CPA6: variants seen among roughly 807,000 people sequenced by gnomAD.
CPA6 encodes the protein carboxypeptidase B.
CPA6 carries 58 observed loss-of-function variants against 63.3 expected under a neutral mutation model. The observed-to-expected ratio is 0.92, with a 90% CI of 0.74 to 1.14. CPA6 has a LOEUF of 1.14. Ranked by LOEUF, CPA6 falls within the 50% of genes most tolerant of loss-of-function variation. The probability of loss-of-function intolerance (pLI) is 0.00; values close to 1 mark genes in which losing one functional copy is unlikely to be tolerated. For missense variants in CPA6, 565 were observed against 526.6 expected (o/e 1.07, Z -0.71); for synonymous variants, 185 against 179.0 (o/e 1.03, Z -0.27).
chr8:67,424,946 G>T (rs1020036735), intron 10 of CPA6, among the ~76,000 whole-genome samples: 1 of 152,194 alleles, frequency 6.6e-6, no homozygotes, highest in Non-Finnish European at 1.5e-5. Context: ...GGGAACTAGA[G>T]GTAGCCTGCA....
At chr8:67,433,718 T>C (rs961242645) in intron 9 of CPA6, among the ~76,000 whole-genome samples, 3 of 152,228 alleles carry the variant, frequency 2.0e-5, no homozygotes, top group Middle Eastern at 3.2e-3. Context: ...AATGATTGTA[T>C]TTGAGAAGCA....
chr8:67,572,860 A>G (rs1813520385), intron 2 of CPA6, among the ~76,000 whole-genome samples: 1 of 152,218 alleles, frequency 6.6e-6, no homozygotes, highest in African/African-American at 2.4e-5. Flanking sequence ...AATATCTTTG[A>G]CGAATATAGA....
chr8:67,722,742 T>C (rs916243133), intron 1 of CPA6, among the ~76,000 whole-genome samples: 3 of 152,096 alleles, frequency 2.0e-5, no homozygotes, highest in African/African-American at 4.8e-5. Context: ...TCATCATGTG[T>C]TGGGAAGAAG....
chr8:67,556,799 G>A (rs921977847), intron 2 of CPA6, among the ~76,000 whole-genome samples: 1 of 152,236 alleles, frequency 6.6e-6, no homozygotes, highest in Non-Finnish European at 1.5e-5. Flanking sequence ...CCAAAACACA[G>A]ACAAGAGCGG....
chr8:67,489,528 T>G (rs1183747738), intron 6 of CPA6, among the ~76,000 whole-genome samples: 1 of 152,204 alleles, frequency 6.6e-6, no homozygotes, highest in African/African-American at 2.4e-5. Flanking sequence ...AATAAATGAT[T>G]TCTGACACTG....
intron 6 of CPA6, among the ~76,000 whole-genome samples, chr8:67,487,516 G>A (rs571156675): frequency 2.0e-5 from 3 of 152,128 alleles, no homozygotes; most frequent in Non-Finnish European, 2.9e-5. Context: ...TAAACATAAC[G>A]TGTGCATGTG....
chr8:67,616,636 C>T (rs1240139428), intron 2 of CPA6, among the ~76,000 whole-genome samples: 1 of 151,952 alleles, frequency 6.6e-6, no homozygotes. Context: ...CATTCTCTCA[C>T]TAAGCATGAG....
intron 2 of CPA6, among the ~76,000 whole-genome samples, chr8:67,559,416 A>G (rs911382449): frequency 2.6e-5 from 4 of 152,248 alleles, no homozygotes; most frequent in Admixed American, 1.3e-4. Context: ...TTATTTGTGA[A>G]TTCGGCCTCA....
intron 2 of CPA6, among the ~76,000 whole-genome samples, chr8:67,593,433 G>A (rs1349160923): frequency 1.9e-4 from 29 of 152,028 alleles, no homozygotes; most frequent in African/African-American, 6.3e-4. Context: ...CAATTCCTGG[G>A]TATCCTTGTT....
intron 6 of CPA6, among the ~76,000 whole-genome samples, chr8:67,486,857 T>C (rs988457831): frequency 6.6e-6 from 1 of 151,994 alleles, no homozygotes; most frequent in Non-Finnish European, 1.5e-5. Flanking sequence ...CATTTTGTTG[T>C]TGTTGACTTA....
At chr8:67,656,053 G>A (rs1309127173) in intron 1 of CPA6, among the ~76,000 whole-genome samples, 4 of 152,100 alleles carry the variant, frequency 2.6e-5, no homozygotes, top group African/African-American at 9.7e-5. Context: ...AGTCTCTGTG[G>A]AAGCAGGGAA....
intron 2 of CPA6, among the ~76,000 whole-genome samples, chr8:67,557,072 C>A (rs908065965): frequency 1.3e-5 from 2 of 152,174 alleles, no homozygotes; most frequent in African/African-American, 4.8e-5. Context: ...TAACTTTGTA[C>A]CTCTTTGTGG....
At chr8:67,651,272 C>T (rs1204566019) in intron 1 of CPA6, among the ~76,000 whole-genome samples, 2 of 151,970 alleles carry the variant, frequency 1.3e-5, no homozygotes, top group Non-Finnish European at 2.9e-5. Flanking sequence ...AGTACCAAAT[C>T]CTGAAACACT....
chr8:67,734,405 T>G (rs1041760954), intron 1 of CPA6, among the ~76,000 whole-genome samples: 2 of 152,060 alleles, frequency 1.3e-5, no homozygotes, highest in African/African-American at 4.8e-5. Context: ...CAGACTAAAT[T>G]TCTCTCCAAA....
intron 2 of CPA6, among the ~76,000 whole-genome samples, chr8:67,542,398 G>A (rs1405529750): frequency 6.6e-6 from 1 of 152,192 alleles, no homozygotes; most frequent in African/African-American, 2.4e-5. Flanking sequence ...CTTTGAGAAA[G>A]GTTAAGTCTT....
At chr8:67,501,463 G>T (rs1811828662) in intron 6 of CPA6, among the ~76,000 whole-genome samples, 1 of 151,858 alleles carries the variant, frequency 6.6e-6, no homozygotes, top group Non-Finnish European at 1.5e-5. Context: ...TTTTATCATG[G>T]ATGTATGTTA....
intron 2 of CPA6, among the ~76,000 whole-genome samples, chr8:67,525,004 G>A (rs987978967): frequency 4.6e-5 from 7 of 152,236 alleles, no homozygotes; most frequent in Middle Eastern, 3.4e-3. Flanking sequence ...AACAGCCACC[G>A]TAGTCACACA....
chr8:67,660,496 ATTTTTTTT>A (rs5892089), intron 1 of CPA6, among the ~76,000 whole-genome samples: 2 of 78,940 alleles, frequency 2.5e-5, no homozygotes, highest in East Asian at 3.5e-4. Flanking sequence ...TGCCCGGCTC[ATTTTTTTT>A]TTTTTTTTTT....
At chr8:67,562,686 A>T (rs1051232912) in intron 2 of CPA6, among the ~76,000 whole-genome samples, 10 of 152,300 alleles carry the variant, frequency 6.6e-5, no homozygotes, top group African/African-American at 2.4e-4. Context: ...CTCTTGTAAA[A>T]GAGGCCCCAA....
Sources: allele counts gnomAD v4.1 joint callset (sites outside exome capture counted in the v4.1 genomes callset), GRCh38; gene constraint gnomAD v4.1.1; transcripts MANE v1.5; gene names NCBI Gene and HGNC (gene_info 2026-07-23, HGNC 2026-07-21).